The following DPP6 variants were observed in gnomAD, a reference collection of about 807,000 sequenced individuals.
DPP6 encodes dipeptidyl peptidase like 6, also known as A-type potassium channel modulatory protein DPP6.
A neutral mutation model predicts 122.6 loss-of-function variants in DPP6; 69 were observed. That is an observed-to-expected ratio of 0.56 (90% CI 0.46 to 0.69). DPP6 has a LOEUF of 0.69. Ranked by LOEUF, DPP6 falls within the 30% of genes least tolerant of loss-of-function variation. DPP6 has a pLI of 0.00. For missense variants in DPP6, 928 were observed against 1,116.9 expected (o/e 0.83, Z 2.41); for synonymous variants, 418 against 433.1 (o/e 0.97, Z 0.43).
In DPP6 at chr7:154,052,509, G is replaced by T. The variant is rs1388868945; in HGVS notation, c.-312G>T. On this transcript the variant is annotated 5_prime_UTR_variant, in exon 1 of 26. Transcript: ENST00000377770. This position sits in a 1 kb window ranked among gnomAD's most constrained non-coding sequence, Gnocchi z 4.8. ...CAATCTCTTTGATTAGGCCGTACGTGGCTGTGGCAAGGAGTTGGGGAAAAA... is the reference window on the plus strand; with the variant it reads ...CAATCTCTTTGATTAGGCCGTACGTTGCTGTGGCAAGGAGTTGGGGAAAAA... 7.3e-6 allele frequency: 4 copies of T among 549,570 alleles called. No individual in the cohort carries two copies. Among genetic ancestry groups the T allele is most frequent in the Non-Finnish European group, 9.9e-6 (4 of 405,406 alleles). 34.0% of individuals were successfully genotyped at this position (549,570 alleles called of 1,614,324 possible). A position where few individuals can be genotyped will look rare whatever the true frequency, so the allele number is the denominator to read the frequency against.
chr7:154,119,649 T>C (rs1807288353), intron 1 of DPP6, among the ~76,000 whole-genome samples: 1 of 132,312 alleles, frequency 7.6e-6, no homozygotes, highest in African/African-American at 2.6e-5. Context: ...CCCAGGAGCT[T>C]CTAAAAAGGG....
intron 23 of DPP6, 69 bp downstream of exon 23, chr7:154,887,803 C>T: frequency 1.9e-6 from 3 of 1,577,296 alleles, no homozygotes; most frequent in South Asian, 2.2e-5. Flanking sequence ...CCAGCCTGCC[C>T]TGGCTGTATG....
chr7:153,876,284 G>A, the DPP6 span, among the ~76,000 whole-genome samples: 1 of 151,888 alleles, frequency 6.6e-6, no homozygotes, highest in Non-Finnish European at 1.5e-5. Flanking sequence ...AAATCACAAT[G>A]AGCTAACTTG....
chr7:153,796,850 T>A, the DPP6 span, among the ~76,000 whole-genome samples: 1 of 152,238 alleles, frequency 6.6e-6, no homozygotes, highest in Non-Finnish European at 1.5e-5. Context: ...GTGTGTTTCC[T>A]CAACTTGAGT....
chr7:154,729,337 C>T (rs6959879), intron 8 of DPP6, among the ~76,000 whole-genome samples: 60,758 of 151,940 alleles, frequency 0.4, 12,495 homozygotes, highest in African/African-American at 0.49. Flanking sequence ...GCTGTGCATG[C>T]CTCATTCTGC....
At chr7:154,376,660 A>G (rs1323113626) in intron 1 of DPP6, among the ~76,000 whole-genome samples, 6 of 152,196 alleles carry the variant, frequency 3.9e-5, no homozygotes, top group Non-Finnish European at 8.8e-5. Flanking sequence ...ATTGACTTGC[A>G]ATGGTAGTTT....
In DPP6 at chr7:153,944,322, T is replaced by G. The variant is rs571393199; in HGVS notation, c.51+56588T>G. Among the ~76,000 whole-genome samples the G allele has an allele frequency of 2.6e-5, 4 of 152,196 alleles. No individual in the cohort carries two copies. The South Asian group carries it at 8.3e-4, about 32-fold the overall frequency. On this transcript the variant is annotated intron_variant, in intron 1 of 25. Transcript: ENST00000404039. ...TCTTTTTTGGCAGTTTGTTTGAACA[T>G]ATACTCACCCGAGGCGTGTGCTTGG...
At chr7:154,782,815 G>A (rs912832028) in intron 10 of DPP6, among the ~76,000 whole-genome samples, 1 of 151,872 alleles carries the variant, frequency 6.6e-6, no homozygotes, top group Admixed American at 6.6e-5. Flanking sequence ...ACAGAGCCTC[G>A]CTCTGTCGCC....
intron 2 of DPP6, among the ~76,000 whole-genome samples, chr7:154,447,151 C>CA (rs1371174178): frequency 6.6e-6 from 1 of 151,968 alleles, no homozygotes; most frequent in African/African-American, 2.4e-5. Context: ...ACTAAAAATA[C>CA]AAAAATTAGC....
the DPP6 span, among the ~76,000 whole-genome samples, chr7:153,826,864 A>ACG: frequency 2.6e-5 from 4 of 152,054 alleles, no homozygotes; most frequent in African/African-American, 9.7e-5. Flanking sequence ...GCACACACAC[A>ACG]TATATATGCA....
chr7:154,257,795 C>A (rs1380697407), intron 1 of DPP6, among the ~76,000 whole-genome samples: 1 of 152,082 alleles, frequency 6.6e-6, no homozygotes, highest in Non-Finnish European at 1.5e-5. Context: ...GGTAATGGTT[C>A]CCACTATTTG....
At chr7:154,834,557 A>C (rs560044533) in intron 16 of DPP6, among the ~76,000 whole-genome samples, 93 of 152,336 alleles carry the variant, frequency 6.1e-4, no homozygotes, top group African/African-American at 2.2e-3. Context: ...AGAACTGCAA[A>C]GAGCATCTAT....
intron 3 of DPP6, among the ~76,000 whole-genome samples, chr7:154,479,753 G>T (rs191374355): frequency 1.9e-4 from 29 of 152,068 alleles, no homozygotes; most frequent in African/African-American, 6.8e-4. Flanking sequence ...GCCATTCTGG[G>T]ACTCCACTCT....
chr7:154,071,857 C>G (rs541058899), intron 1 of DPP6, among the ~76,000 whole-genome samples: 1 of 152,172 alleles, frequency 6.6e-6, no homozygotes, highest in Non-Finnish European at 1.5e-5. Flanking sequence ...TCTTCAACTT[C>G]CCTCTGTGAT....
At chr7:154,436,801 C>T (rs1321759443) in intron 1 of DPP6, among the ~76,000 whole-genome samples, 7 of 152,188 alleles carry the variant, frequency 4.6e-5, no homozygotes, top group Non-Finnish European at 1.5e-5. Flanking sequence ...ATGCAGCATC[C>T]TGGATTTCAT....
intron 1 of DPP6, among the ~76,000 whole-genome samples, chr7:153,913,173 C>T (rs182256978): frequency 8.5e-5 from 13 of 152,306 alleles, no homozygotes; most frequent in Admixed American, 2.0e-4. Context: ...CTCCCAGGTT[C>T]AAGCAATTCT....
intron 7 of DPP6, among the ~76,000 whole-genome samples, chr7:154,686,122 G>T (rs1472534911): frequency 6.6e-6 from 1 of 151,982 alleles, no homozygotes; most frequent in Non-Finnish European, 1.5e-5. Flanking sequence ...TGTCTCTTTT[G>T]CTCACAATAT....
the DPP6 span, among the ~76,000 whole-genome samples, chr7:153,772,124 C>T: frequency 1.3e-5 from 2 of 152,154 alleles, no homozygotes; most frequent in Non-Finnish European, 2.9e-5. Flanking sequence ...CACTCTGTTG[C>T]CCGGGCTGGA....
intron 6 of DPP6, among the ~76,000 whole-genome samples, chr7:154,668,419 A>C (rs1361337055): frequency 6.6e-6 from 1 of 150,958 alleles, no homozygotes. Flanking sequence ...ATGGGGTTTC[A>C]CCGTGTTAGC....
Sources: gnomAD v4.1 joint callset for allele counts (sites outside exome capture counted in the v4.1 genomes callset) on GRCh38, gnomAD v4.1.1 for gene constraint, Gnocchi (gnomAD v3.1) non-coding constraint, MANE v1.5 for transcripts, NCBI Gene and HGNC (gene_info 2026-07-23, HGNC 2026-07-21) for gene names.